PDE1C: variants seen among roughly 807,000 people sequenced by gnomAD.
PDE1C encodes the protein dual specificity calcium/calmodulin-dependent 3',5'-cyclic nucleotide phosphodiesterase 1C.
Under a neutral mutation model 93.1 loss-of-function variants are expected in PDE1C, and 62 were observed. The ratio of observed to expected loss-of-function variants is 0.67; its 90% confidence interval spans 0.54 to 0.82. The LOEUF is 0.82. Among genes scored for constraint, PDE1C ranks in the 40% least tolerant of loss-of-function variants. The pLI is 0.00. For synonymous variants in PDE1C, 325 were observed against 310.1 expected (o/e 1.05, Z -0.50); for missense variants, 742 against 884.6 (o/e 0.84, Z 2.04).
chr7:31,870,627 G>T (rs1049394992), intron 6 of PDE1C, among the ~76,000 whole-genome samples: 1 of 151,940 alleles, frequency 6.6e-6, no homozygotes, highest in South Asian at 2.1e-4. Flanking sequence ...TCCTGAAAAA[G>T]AGAAGTCTAG....
chr7:31,971,516 G>A (rs1810961450), intron 2 of PDE1C, among the ~76,000 whole-genome samples: 1 of 152,176 alleles, frequency 6.6e-6, no homozygotes, highest in African/African-American at 2.4e-5. Context: ...TTGGCTTGTA[G>A]CAAGAATCCA....
chr7:32,308,518 C>A (rs1420294183), intron 1 of PDE1C, among the ~76,000 whole-genome samples: 1 of 152,206 alleles, frequency 6.6e-6, no homozygotes, highest in African/African-American at 2.4e-5. Flanking sequence ...CGGCTGGGTA[C>A]TCCTCTGAGA....
intron 3 of PDE1C, among the ~76,000 whole-genome samples, chr7:32,165,307 T>C (rs1191524970): frequency 6.6e-6 from 1 of 152,222 alleles, no homozygotes; most frequent in Non-Finnish European, 1.5e-5. Context: ...ACATGCGTTA[T>C]CTCCTTTAAA....
At chr7:31,737,811 A>AT in the PDE1C span, among the ~76,000 whole-genome samples, 1 of 151,802 alleles carries the variant, frequency 6.6e-6, no homozygotes, top group Non-Finnish European at 1.5e-5. Context: ...AAAAAAAAAA[A>AT]AAAAAAAGTC....
At chr7:32,147,705 C>T (rs1274178532) in intron 3 of PDE1C, among the ~76,000 whole-genome samples, 6 of 152,014 alleles carry the variant, frequency 3.9e-5, no homozygotes, top group Admixed American at 1.3e-4. Flanking sequence ...CCTCCCACCC[C>T]CCCTCCAAGC....
intron 2 of PDE1C, among the ~76,000 whole-genome samples, chr7:31,966,217 T>C (rs2129041339): frequency 6.6e-6 from 1 of 152,140 alleles, no homozygotes; most frequent in South Asian, 2.1e-4. Flanking sequence ...GAAACCCATC[T>C]CACGTGCAGA....
intron 1 of PDE1C, among the ~76,000 whole-genome samples, chr7:32,222,757 A>T (rs1158278604): frequency 1.3e-5 from 2 of 152,158 alleles, no homozygotes; most frequent in Non-Finnish European, 1.5e-5. Context: ...ATCTTCACAC[A>T]GATGTGCATT....
chr7:31,652,733 C>T, the PDE1C span: 2 of 1,613,880 alleles, frequency 1.2e-6, no homozygotes, highest in Non-Finnish European at 1.7e-6. Flanking sequence ...AGAACAGCAC[C>T]AGGATGTCTC....
chr7:32,055,892 G>A (rs969646594), intron 1 of PDE1C, among the ~76,000 whole-genome samples: 1 of 152,066 alleles, frequency 6.6e-6, no homozygotes, highest in Non-Finnish European at 1.5e-5. Flanking sequence ...GCTAAGTTTT[G>A]TATTTTTAGT....
intron 16 of PDE1C, among the ~76,000 whole-genome samples, chr7:31,794,782 A>G (rs1785083924): frequency 6.6e-6 from 1 of 151,962 alleles, no homozygotes; most frequent in Admixed American, 6.6e-5. Flanking sequence ...TTAGTTTCTG[A>G]TCAGTCTTTG....
chr7:31,918,387 A>G (rs10237722), intron 2 of PDE1C, among the ~76,000 whole-genome samples: 64,961 of 152,140 alleles, frequency 0.43, 15,685 homozygotes, highest in Non-Finnish European at 0.54. Flanking sequence ...TATGTCACGC[A>G]TGTACCCTCA....
intron 2 of PDE1C, among the ~76,000 whole-genome samples, chr7:31,894,152 A>G (rs1583830163): frequency 1.3e-5 from 2 of 152,366 alleles, no homozygotes; most frequent in Admixed American, 1.3e-4. Flanking sequence ...AGAATGTTCA[A>G]CATTTGCTAC....
At chr7:32,167,114 A>G (rs1562540506) in intron 3 of PDE1C, among the ~76,000 whole-genome samples, 1 of 152,186 alleles carries the variant, frequency 6.6e-6, no homozygotes, top group African/African-American at 2.4e-5. Context: ...TTTGAAAAAC[A>G]CCCATCATTG....
intron 1 of PDE1C, among the ~76,000 whole-genome samples, chr7:32,246,330 C>T (rs1808952344): frequency 1.3e-5 from 2 of 152,096 alleles, no homozygotes; most frequent in African/African-American, 4.8e-5. Flanking sequence ...GGCACTGACT[C>T]TTATGCTTAT....
chr7:32,202,457 G>A (rs1403101143), intron 2 of PDE1C, among the ~76,000 whole-genome samples: 2 of 152,140 alleles, frequency 1.3e-5, no homozygotes, highest in African/African-American at 2.4e-5. Flanking sequence ...GTCATACAAG[G>A]GATTTGAGCT....
chr7:32,167,817 T>G (rs1339531218), intron 3 of PDE1C, among the ~76,000 whole-genome samples: 1 of 152,132 alleles, frequency 6.6e-6, no homozygotes, highest in Non-Finnish European at 1.5e-5. Flanking sequence ...TAACCCTTAT[T>G]GTGGTACCAC....
At chr7:31,693,658 T>G in the PDE1C span, among the ~76,000 whole-genome samples, 1 of 152,166 alleles carries the variant, frequency 6.6e-6, no homozygotes, top group Non-Finnish European at 1.5e-5. Flanking sequence ...GCATAGGCAT[T>G]GAAAAATCAG....
chr7:32,009,209 G>A (rs998169113), intron 2 of PDE1C, among the ~76,000 whole-genome samples: 5 of 152,194 alleles, frequency 3.3e-5, no homozygotes, highest in African/African-American at 2.4e-5. Flanking sequence ...CCCTGTGGTT[G>A]CCATAGCTTA....
intron 3 of PDE1C, among the ~76,000 whole-genome samples, chr7:32,164,185 CTGCATT>C (rs1168840835): frequency 6.6e-6 from 1 of 152,170 alleles, no homozygotes; most frequent in Non-Finnish European, 1.5e-5. Flanking sequence ...GAATCAGGAT[CTGCATT>C]TAACAGGATT....
Sources: gnomAD v4.1 joint callset for allele counts (sites outside exome capture counted in the v4.1 genomes callset) on GRCh38, gnomAD v4.1.1 for gene constraint, MANE v1.5 for transcripts, NCBI Gene and HGNC (gene_info 2026-07-23, HGNC 2026-07-21) for gene names.